ARHGEF17: variants seen among roughly 807,000 people sequenced by gnomAD.
ARHGEF17 encodes 164 kDa Rho-specific guanine-nucleotide exchange factor.
ARHGEF17 carries 80 observed loss-of-function variants against 174.0 expected under a neutral mutation model. The observed-to-expected ratio is 0.46, with a 90% CI of 0.38 to 0.55. The LOEUF (loss-of-function observed/expected upper bound fraction) is 0.55. Ranked by LOEUF, ARHGEF17 falls within the 20% of genes least tolerant of loss-of-function variation. ARHGEF17 has a pLI of 0.00. For missense variants in ARHGEF17, 2,886 were observed against 2,839.7 expected (o/e 1.02, Z -0.37); for synonymous variants, 1,311 against 1,189.1 (o/e 1.10, Z -2.11).
intron 1 of ARHGEF17, among the ~76,000 whole-genome samples, chr11:73,341,477 T>C (rs989323813): frequency 3.3e-5 from 5 of 151,928 alleles, no homozygotes; most frequent in Non-Finnish European, 7.4e-5. Flanking sequence ...TGGCTAATTT[T>C]GTATTTTTTT....
chr11:73,345,315 T>C (rs1040791457), intron 1 of ARHGEF17, among the ~76,000 whole-genome samples: 7 of 152,084 alleles, frequency 4.6e-5, no homozygotes, highest in Admixed American at 3.3e-4. Context: ...AATGGTGGGC[T>C]GGCAAGGATG....
At chr11:73,352,494 C>T (rs1865570717) in intron 2 of ARHGEF17, among the ~76,000 whole-genome samples, 1 of 152,186 alleles carries the variant, frequency 6.6e-6, no homozygotes, top group Non-Finnish European at 1.5e-5. Flanking sequence ...AGTAAGTGCT[C>T]AGTAAATCTT....
intron 1 of ARHGEF17, among the ~76,000 whole-genome samples, chr11:73,337,284 T>C (rs958627794): frequency 6.6e-6 from 1 of 151,974 alleles, no homozygotes; most frequent in Non-Finnish European, 1.5e-5. Flanking sequence ...GGTGCGCACC[T>C]GTACCCCCAC....
chr11:73,316,049 A>G (rs560580571), intron 1 of ARHGEF17, among the ~76,000 whole-genome samples: 8 of 152,080 alleles, frequency 5.3e-5, no homozygotes, highest in African/African-American at 1.9e-4. Flanking sequence ...CTAGAAGCCA[A>G]CTCGAAGGGG....
At position 73,365,092 on chromosome 11, in the gene ARHGEF17, A is replaced by C; in HGVS notation, c.5551-298A>C. ...ACTTGCTGTGTGACCTTTCCCTTCT[A>C]GGCTTCAGCTTCCCCACCTGTCCAG... On this transcript the variant is annotated intron_variant, in intron 18 of 20. Coordinates refer to ENST00000263674, the MANE Select transcript of ARHGEF17 (RefSeq NM_014786.4). This position sits in a 1 kb window ranked among gnomAD's most constrained non-coding sequence, Gnocchi z 4.9. 2.5e-6 allele frequency: 1 copy of C among 400,330 alleles called. No individual in the cohort carries two copies. Among genetic ancestry groups the C allele is most frequent in the South Asian group, 3.1e-5 (1 of 32,516 alleles). 24.8% of individuals were successfully genotyped at this position (400,330 alleles called of 1,614,324 possible).
In ARHGEF17 at chr11:73,365,343, G is replaced by T; in HGVS notation, c.5551-47G>T. On this transcript the variant is annotated intron_variant, in intron 18 of 20. Coordinates refer to ENST00000263674, the MANE Select transcript of ARHGEF17 (RefSeq NM_014786.4). The surrounding 1 kb of genome is among the most constrained non-coding windows in gnomAD (Gnocchi z 4.9). ...GAAGCTCCAGGCTAGGGTGGGCCAA[G>T]GGAGGCAGGCCTGCCAATGACCCAT... 1 of 1,606,120 alleles carries T rather than the reference G, an allele frequency of 6.2e-7. No individual in the cohort carries two copies. The highest frequency in any genetic ancestry group is 1.1e-5 in the South Asian group (1 of 90,084).
chr11:73,322,157 C>T (rs1293585542), intron 1 of ARHGEF17, among the ~76,000 whole-genome samples: 5 of 152,170 alleles, frequency 3.3e-5, no homozygotes, highest in Non-Finnish European at 7.4e-5. Context: ...ACGCCTTCCC[C>T]CAATAAAGGT....
At chr11:73,364,633 A>T (rs760681326) in intron 18 of ARHGEF17, 33 bp downstream of exon 18, 2 of 1,591,778 alleles carry the variant, frequency 1.3e-6, no homozygotes, top group Middle Eastern at 1.9e-4. Flanking sequence ...AATTGGTGCC[A>T]TGGGATGAGC....
At chr11:73,360,221 C>A in intron 10 of ARHGEF17, 99 bp from the exon 11 acceptor site, 1 of 1,336,288 alleles carries the variant, frequency 7.5e-7, no homozygotes, top group Non-Finnish European at 1.0e-6. Context: ...GACAGTCTCA[C>A]TTGCTGTCTA....
chr11:73,310,763 C>T lies in ARHGEF17; in HGVS notation c.2125C>T (p.Arg709Ter), dbSNP rs1469303451. The change falls in exon 1 of 21, where the codon CGA becomes TGA. Residue 709 changes from arginine to a stop codon, truncating the protein, a stop_gained. Coordinates refer to ENST00000263674, the MANE Select transcript of ARHGEF17 (RefSeq NM_014786.4). LOFTEE classifies it high-confidence loss of function. The part of the protein sequence containing the change: ...TPPTPGALRR[R>*]RKVPPSGSGG... ...TCCCACACCAGGTGCCCTCCGCCGA[C>T]GACGCAAAGTCCCACCTTCAGGTTC... 6 of 1,611,120 alleles carry T rather than the reference C, an allele frequency of 3.7e-6. No homozygotes were observed. The highest frequency in any genetic ancestry group is 5.1e-6 in the Non-Finnish European group (6 of 1,178,560).
At position 73,360,438 on chromosome 11, in the gene ARHGEF17, G is replaced by T. The variant is rs202109402; in HGVS notation, c.4325G>T (p.Arg1442Leu). The change falls in exon 11 of 21, where the codon CGG becomes CTG. Residue 1442 changes from arginine to leucine, a missense_variant. Arg to Leu is a moderately radical substitution (Grantham distance 102). Transcript: ENST00000263674. ...ACCAAGCTGGAGCTGTGCGCCACTC[G>T]GCCCGAGGGCACCGACTCCTACATT... ...PPTKLELCAT[R>L]PEGTDSYIFE... The T allele has an allele frequency of 6.2e-7, 1 of 1,614,006 alleles. No individual in the cohort carries two copies. Among genetic ancestry groups the T allele is most frequent in the Non-Finnish European group, 8.5e-7 (1 of 1,180,042 alleles).
intron 10 of ARHGEF17, 141 bp downstream of exon 10, chr11:73,360,093 G>T: frequency 1.1e-6 from 1 of 934,546 alleles, no homozygotes; most frequent in Non-Finnish European, 1.6e-6. Context: ...CAGCCTCCCT[G>T]CGTATGGGGG....
rs188684457 is a variant in ARHGEF17, at chr11:73,337,774, C to G, written c.3193-9109C>G. ...CACTTTCAGTCTCTGCCATTGAACCCTATGGACCATCACCCTCACCAGTTG... is the reference window on the plus strand; with the variant it reads ...CACTTTCAGTCTCTGCCATTGAACCGTATGGACCATCACCCTCACCAGTTG... On this transcript the variant is annotated intron_variant, in intron 1 of 20. Coordinates refer to ENST00000263674, the MANE Select transcript of ARHGEF17 (RefSeq NM_014786.4). 1.1e-3 allele frequency among the ~76,000 whole-genome samples: 162 copies of G among 152,288 alleles called. 1 individual carries two copies. Among genetic ancestry groups the G allele is most frequent in the African/African-American group, 3.8e-3 (157 of 41,572 alleles).
chr11:73,325,094 C>T (rs1419782993), intron 1 of ARHGEF17, among the ~76,000 whole-genome samples: 6 of 152,062 alleles, frequency 3.9e-5, no homozygotes, highest in Non-Finnish European at 8.8e-5. Context: ...AGTGCAGTCC[C>T]GTTTGCAGTA....
intron 1 of ARHGEF17, among the ~76,000 whole-genome samples, chr11:73,336,659 A>AT (rs1218184575): frequency 6.6e-6 from 1 of 152,200 alleles, no homozygotes; most frequent in Non-Finnish European, 1.5e-5. Context: ...TCCTGTCAGC[A>AT]TATGAAGGAC....
At chr11:73,335,612 C>CCTGCCGTGTGGGCCTCTG (rs1471109189) in intron 1 of ARHGEF17, among the ~76,000 whole-genome samples, 4 of 152,140 alleles carry the variant, frequency 2.6e-5, no homozygotes, top group African/African-American at 9.7e-5. Context: ...CACCACAGCC[C>CCTGCCGTGTGGGCCTCTG]CTGCCATGTG....
intron 20 of ARHGEF17, 87 bp downstream of exon 20, chr11:73,366,034 G>A (rs1865832040): frequency 1.3e-6 from 2 of 1,502,612 alleles, no homozygotes; most frequent in Non-Finnish European, 1.8e-6. Context: ...GCTTTCAAGA[G>A]GGAGGAAAAG....
chr11:73,344,019 A>C (rs563023955), intron 1 of ARHGEF17, among the ~76,000 whole-genome samples: 1 of 152,046 alleles, frequency 6.6e-6, no homozygotes. Context: ...TCAGGGTTTC[A>C]GTCTTTGGGT....
At chr11:73,332,890 G>T (rs1352072668) in intron 1 of ARHGEF17, among the ~76,000 whole-genome samples, 4 of 152,156 alleles carry the variant, frequency 2.6e-5, no homozygotes, top group Non-Finnish European at 4.4e-5. Context: ...CAGCGCAGAG[G>T]AATCCCTCAG....
Sources: gnomAD v4.1 joint callset for allele counts (sites outside exome capture counted in the v4.1 genomes callset) on GRCh38, gnomAD v4.1.1 for gene constraint, Gnocchi (gnomAD v3.1) non-coding constraint, MANE v1.5 for transcripts, NCBI Gene and HGNC (gene_info 2026-07-23, HGNC 2026-07-21) for gene names.